Variants in COPG2 observed in about 807,000 individuals in gnomAD.
The protein encoded by COPG2 is coat protein complex I subunit gamma 2.
Under a neutral mutation model 46.3 loss-of-function variants are expected in COPG2, and 37 were observed. The ratio of observed to expected loss-of-function variants is 0.80; its 90% CI spans 0.61 to 1.05. The LOEUF is 1.05. COPG2 is among the 50% of genes least tolerant of loss of function. The pLI, the probability that COPG2 is intolerant of heterozygous loss-of-function variation, is 0.00. For missense variants in COPG2, 427 were observed against 387.8 expected, an observed-to-expected ratio of 1.10 and a Z score of -0.85; for synonymous variants, 159 against 129.7, an observed-to-expected ratio of 1.23 and a Z score of -1.53.
At chr7:130,532,603 C>T (rs988847121) in intron 20 of COPG2, among the ~76,000 whole-genome samples, 1 of 151,882 alleles carries the variant, frequency 6.6e-6, no homozygotes, top group African/African-American at 2.4e-5. Flanking sequence ...GTGCTGATGA[C>T]AAAACTGCTG....
chr7:130,664,390 G>A (rs547185055), intron 3 of COPG2, among the ~76,000 whole-genome samples: 2 of 152,332 alleles, frequency 1.3e-5, no homozygotes, highest in Admixed American at 1.3e-4. Flanking sequence ...TCATCAGCAT[G>A]AGATTTATCT....
chr7:130,654,532 A>C (rs1795809752), intron 4 of COPG2, among the ~76,000 whole-genome samples: 4 of 152,188 alleles, frequency 2.6e-5, no homozygotes, highest in Admixed American at 1.3e-4. Flanking sequence ...ATGGCATAGA[A>C]TATATTAATG....
intron 9 of COPG2, among the ~76,000 whole-genome samples, chr7:130,566,130 T>C (rs929237713): frequency 6.6e-4 from 100 of 152,286 alleles, no homozygotes; most frequent in Non-Finnish European, 1.1e-3. Context: ...TACAAAAATA[T>C]TCAAATATAT....
At chr7:130,590,680 C>G (rs587609923) in intron 9 of COPG2, among the ~76,000 whole-genome samples, 1 of 152,168 alleles carries the variant, frequency 6.6e-6, no homozygotes, top group Admixed American at 6.5e-5. Flanking sequence ...GCCACCACCC[C>G]GTCTGGGAAG....
chr7:130,660,272 TC>T (rs1554460527), intron 4 of COPG2, among the ~76,000 whole-genome samples: 1 of 152,230 alleles, frequency 6.6e-6, no homozygotes. Context: ...GCAGACTTAT[TC>T]CTTGCATCTG....
intron 9 of COPG2, among the ~76,000 whole-genome samples, chr7:130,576,338 A>G (rs1554446220): frequency 6.6e-6 from 1 of 152,248 alleles, no homozygotes; most frequent in Non-Finnish European, 1.5e-5. Flanking sequence ...GCCTCAATAA[A>G]TTTAAGAAAA....
At chr7:130,643,500 T>C (rs377068218) in intron 5 of COPG2, among the ~76,000 whole-genome samples, 101 of 152,288 alleles carry the variant, frequency 6.6e-4, no homozygotes, top group Non-Finnish European at 1.3e-3. Flanking sequence ...TTTGTTTATA[T>C]GGGGATTAAG....
Position 130,543,178 on chromosome 7 carries a change from A to G in COPG2, c.2149+4496T>C, listed in dbSNP as rs1793371353. 2.6e-5 allele frequency among the ~76,000 whole-genome samples: 4 copies of G among 152,356 alleles called. No individual in the cohort carries two copies. The South Asian group carries it at 6.2e-4, about 24-fold the overall frequency. ...AAATTTGCAAGTGTGGGGGTTGGAC[A>G]TAGGTTACTATGTGTTTAATGTGGT... On this transcript the variant is annotated intron_variant, in intron 20 of 23. Transcript: ENST00000425248.
chr7:130,513,359 G>A (rs181767692), intron 20 of COPG2, among the ~76,000 whole-genome samples: 5,370 of 36,132 alleles, frequency 0.15, 463 homozygotes, highest in Middle Eastern at 0.19. Flanking sequence ...GTGTGTGTGT[G>A]TATATATATA....
intron 5 of COPG2, among the ~76,000 whole-genome samples, chr7:130,630,511 C>T (rs1396906657): frequency 1.3e-5 from 2 of 152,160 alleles, no homozygotes; most frequent in Non-Finnish European, 2.9e-5. Flanking sequence ...TTTTCTTGTT[C>T]AAATTGTTTT....
chr7:130,634,784 T>C (rs1412689578), intron 5 of COPG2, among the ~76,000 whole-genome samples: 2 of 152,132 alleles, frequency 1.3e-5, no homozygotes, highest in Non-Finnish European at 2.9e-5. Flanking sequence ...CCTTGTCTTG[T>C]GCCTGTTTTC....
At chr7:130,660,541 C>T (rs1312152881) in intron 4 of COPG2, among the ~76,000 whole-genome samples, 1 of 152,118 alleles carries the variant, frequency 6.6e-6, no homozygotes, top group African/African-American at 2.4e-5. Flanking sequence ...ATGTCACCTG[C>T]TACCATTGCT....
intron 5 of COPG2, among the ~76,000 whole-genome samples, chr7:130,618,798 A>T (rs1794991338): frequency 6.6e-6 from 1 of 152,200 alleles, no homozygotes; most frequent in Non-Finnish European, 1.5e-5. Context: ...TTACATTAAT[A>T]AATAATTCAT....
intron 5 of COPG2, among the ~76,000 whole-genome samples, chr7:130,649,146 G>A (rs2116228173): frequency 6.6e-6 from 1 of 152,300 alleles, no homozygotes; most frequent in South Asian, 2.1e-4. Flanking sequence ...GAATCTATGA[G>A]TCACACCCCT....
At chr7:130,550,020 A>G (rs1377387421) in intron 17 of COPG2, among the ~76,000 whole-genome samples, 1 of 152,178 alleles carries the variant, frequency 6.6e-6, no homozygotes, top group Admixed American at 6.5e-5. Context: ...AAAACCCTTC[A>G]TTTTGGAGTG....
chr7:130,513,325 A>ATGTGTGTGTGTGTG (rs1447026285), intron 20 of COPG2, among the ~76,000 whole-genome samples: 7 of 50,584 alleles, frequency 1.4e-4, no homozygotes, highest in African/African-American at 2.6e-4. Flanking sequence ...ATATATATAT[A>ATGTGTGTGTGTGTG]TATATATATA....
intron 20 of COPG2, among the ~76,000 whole-genome samples, chr7:130,543,772 G>C: frequency 6.6e-6 from 1 of 152,172 alleles, no homozygotes; most frequent in East Asian, 1.9e-4. Flanking sequence ...CCATGATTAA[G>C]TTGCATTCTG....
chr7:130,597,118 C>T (rs1008190138), intron 9 of COPG2, among the ~76,000 whole-genome samples: 3 of 152,190 alleles, frequency 2.0e-5, no homozygotes, highest in Admixed American at 6.5e-5. Context: ...ATACCCTGCA[C>T]GATCCCCCTT....
chr7:130,526,200 G>A (rs1425330267), intron 20 of COPG2, among the ~76,000 whole-genome samples: 12 of 152,198 alleles, frequency 7.9e-5, no homozygotes, highest in Admixed American at 2.0e-4. Flanking sequence ...GGAAGGCGCT[G>A]GCCTGAATCA....
Sources: gnomAD v4.1 joint callset for allele counts (sites outside exome capture counted in the v4.1 genomes callset) on GRCh38, gnomAD v4.1.1 for gene constraint, MANE v1.5 for transcripts, NCBI Gene and HGNC (gene_info 2026-07-23, HGNC 2026-07-21) for gene names.